Variants in STS observed in about 807,000 individuals in gnomAD.
The protein encoded by STS is steryl-sulfatase.
In STS, 7 loss-of-function variants were observed where a neutral mutation model predicts 26.8. The ratio of observed to expected loss-of-function variants is 0.26; its 90% CI spans 0.15 to 0.49. STS has a LOEUF of 0.49. Ranked by LOEUF, STS falls within the 20% of genes least tolerant of loss-of-function variation. The pLI is 0.98. For missense variants in STS, 434 were observed against 465.6 expected, an observed-to-expected ratio of 0.93 and a Z score of 0.63; for synonymous variants, 199 against 189.4, an observed-to-expected ratio of 1.05 and a Z score of -0.42.
At chrX:7,214,325 A>G (rs1921149663) in intron 2 of STS, among the ~76,000 whole-genome samples, 1 of 111,496 alleles carries the variant, frequency 9.0e-6, no homozygotes, top group Admixed American at 9.5e-5. Context: ...TAACTTTTCC[A>G]TAAAACCATT....
At chrX:7,333,948 C>T (rs1168655325) in intron 9 of STS, 38 bp from the exon 10 acceptor site, 9 of 1,210,622 alleles carry the variant, frequency 7.4e-6, no homozygotes, top group Non-Finnish European at 8.9e-6. Context: ...GAACACAGGA[C>T]TGATTCACGT....
At chrX:7,343,578 G>A (rs1040658805) in intron 10 of STS, among the ~76,000 whole-genome samples, 24 of 112,048 alleles carry the variant, frequency 2.1e-4, no homozygotes, top group African/African-American at 7.1e-4. Flanking sequence ...GACACAGAGA[G>A]GTGAGAGCAG....
intron 1 of STS, among the ~76,000 whole-genome samples, chrX:7,155,897 T>C (rs905641843): frequency 3.7e-4 from 41 of 111,984 alleles, no homozygotes; most frequent in African/African-American, 1.3e-3. Flanking sequence ...GCCTATAATC[T>C]CAGCGCTTTG....
chrX:7,195,921 A>C (rs765190670), intron 2 of STS, among the ~76,000 whole-genome samples: 52 of 112,539 alleles, frequency 4.6e-4, no homozygotes, highest in Admixed American at 7.5e-4. Context: ...AAGCTGAAAG[A>C]TATTAAGCTG....
intron 2 of STS, among the ~76,000 whole-genome samples, chrX:7,229,676 G>A (rs1391821541): frequency 3.6e-5 from 4 of 110,636 alleles, no homozygotes; most frequent in Non-Finnish European, 5.7e-5. Context: ...CTGTCTGGCT[G>A]GACCTCATCA....
In STS at chrX:7,259,787, G is replaced by A; in HGVS notation, c.806+15G>A. ...TTCATACAGCGGTGGGTATTGCCTTGTCCTCTGATGCTGCCTGTTAAAAAA... is the reference window on the plus strand; with the variant it reads ...TTCATACAGCGGTGGGTATTGCCTTATCCTCTGATGCTGCCTGTTAAAAAA... On this transcript the variant is annotated intron_variant, in intron 6 of 10. Coordinates refer to ENST00000674429, the MANE Select transcript of STS (RefSeq NM_001320752.2). The A allele has an allele frequency of 5.8e-6, 7 of 1,205,859 alleles. No homozygotes were observed. The highest frequency in any genetic ancestry group is 7.8e-6 in the Non-Finnish European group (7 of 892,956).
intron 1 of STS, among the ~76,000 whole-genome samples, chrX:7,189,802 G>T (rs1933839822): frequency 9.0e-6 from 1 of 111,579 alleles, no homozygotes; most frequent in African/African-American, 3.3e-5. Context: ...TATACAAGTA[G>T]TAATAATTGC....
In STS at chrX:7,201,794, A is replaced by G. The variant is rs1934078068; in HGVS notation, c.-5+10786A>G. 2.7e-5 allele frequency among the ~76,000 whole-genome samples: 3 copies of G among 111,189 alleles called. No individual in the cohort carries two copies. The South Asian group carries it at 1.1e-3, about 43-fold the overall frequency. On this transcript the variant is annotated intron_variant, in intron 2 of 10. Transcript: ENST00000674429. ...TTTCAGCTATTTGGGCTTCAGGGAT[A>G]CAAGAACAGAGAAGCCTTTAGAGAG...
rs1355012087 is a variant in STS at position 7,163,745 on chromosome X, G to A, written c.-134+15662G>A. Among the ~76,000 whole-genome samples the A allele has an allele frequency of 3.6e-5, 4 of 112,609 alleles. No individual in the cohort carries two copies. In the South Asian group the frequency reaches 1.1e-3, roughly 31 times the overall value. On this transcript the variant is annotated intron_variant, in intron 1 of 10. Coordinates refer to ENST00000674429, the MANE Select transcript of STS (RefSeq NM_001320752.2). Reference sequence around the variant, plus strand: ...ACATACTTGGCAGTGACACCAGCTCGAACCAACTAACATAAAACTAACATA... The same window carrying A: ...ACATACTTGGCAGTGACACCAGCTCAAACCAACTAACATAAAACTAACATA...
rs141530937 is a variant in STS at position 7,275,831 on chromosome X, T to C, written c.807-120T>C. ...ATATTAGGCAATTAACTTGTAATAT[T>C]TTGTGAATTTTCAAATAGCCTGCTA... On this transcript the variant is annotated intron_variant, in intron 6 of 10. Transcript: ENST00000674429. 2.4e-4 allele frequency: 205 copies of C among 856,060 alleles called. 1 individual carries two copies. In the East Asian group the frequency reaches 3.0e-3, roughly 13 times the overall value. 70.5% of individuals were successfully genotyped at this position (856,060 alleles called of 1,213,427 possible).
intron 2 of STS, among the ~76,000 whole-genome samples, chrX:7,227,987 G>T (rs986579540): frequency 7.2e-5 from 8 of 111,733 alleles, no homozygotes; most frequent in Non-Finnish European, 1.3e-4. Flanking sequence ...TCTGTACCTG[G>T]CTTATTTCAC....
Position 7,319,183 on chromosome X carries a change from GTCTC to G in STS, c.1082-6150_1082-6147del, listed in dbSNP as rs1237835091. 3.6e-5 allele frequency among the ~76,000 whole-genome samples: 4 copies of G among 110,458 alleles called. No individual in the cohort carries two copies. In the East Asian group the frequency reaches 1.2e-3, roughly 32 times the overall value. ...TGTTTTCTGTTTTTTAAGACATGAC[GTCTC>G]TCTCTGTCACCCAGGCTGGAGTGCA... On this transcript the variant is annotated intron_variant, in intron 8 of 10. Coordinates refer to ENST00000674429, the MANE Select transcript of STS (RefSeq NM_001320752.2).
intron 8 of STS, among the ~76,000 whole-genome samples, chrX:7,314,583 C>T (rs1249398290): frequency 1.8e-5 from 2 of 112,901 alleles, no homozygotes; most frequent in African/African-American, 6.4e-5. Flanking sequence ...CAGGCATTGC[C>T]GTAGGCAGAG....
chrX:7,280,950 A>C (rs1924827687), intron 7 of STS, among the ~76,000 whole-genome samples: 1 of 112,488 alleles, frequency 8.9e-6, no homozygotes, highest in African/African-American at 3.2e-5. Flanking sequence ...TGGATCACCT[A>C]AGGTTATCAG....
chrX:7,242,086 A>G (rs1239223521), intron 2 of STS, among the ~76,000 whole-genome samples: 1 of 111,078 alleles, frequency 9.0e-6, no homozygotes. Flanking sequence ...CACAGAATTG[A>G]CATCTCATCA....
intron 7 of STS, among the ~76,000 whole-genome samples, chrX:7,276,713 C>T (rs777524897): frequency 1.5e-4 from 17 of 111,988 alleles, no homozygotes; most frequent in African/African-American, 4.5e-4. Flanking sequence ...ACAGCCTTGG[C>T]GAGGCTCTCA....
chrX:7,285,530 C>T (rs1279471872), intron 7 of STS, among the ~76,000 whole-genome samples: 1 of 111,424 alleles, frequency 9.0e-6, no homozygotes, highest in Non-Finnish European at 1.9e-5. Context: ...AAAGCATGTG[C>T]ATCATCAACA....
At chrX:7,189,481 G>A (rs1446541143) in intron 1 of STS, among the ~76,000 whole-genome samples, 1 of 112,229 alleles carries the variant, frequency 8.9e-6, no homozygotes, top group African/African-American at 3.2e-5. Context: ...AGCATTAAGG[G>A]AGTGGAGGCA....
rs765771571 is a variant in STS at position 7,192,832 on chromosome X, T to C, written c.-5+1824T>C. ...GGAGACATTTTTGGTCGTCAGAACT[T>C]TGGAGTGGGGTGCATGTAGTGGGTG... On this transcript the variant is annotated intron_variant, in intron 2 of 10. Transcript: ENST00000674429. Among the ~76,000 whole-genome samples the C allele has an allele frequency of 2.7e-5, 3 of 112,208 alleles. No individual in the cohort carries two copies. The Admixed American group carries it at 2.8e-4, about 11-fold the overall frequency.
Sources: allele counts gnomAD v4.1 joint callset (sites outside exome capture counted in the v4.1 genomes callset), GRCh38; gene constraint gnomAD v4.1.1; transcripts MANE v1.5; gene names NCBI Gene and HGNC (gene_info 2026-07-23, HGNC 2026-07-21).